CACNB2: variants seen among roughly 807,000 people sequenced by gnomAD.
The protein encoded by CACNB2 is calcium voltage-gated channel auxiliary subunit beta 2.
Under a neutral mutation model 73.3 loss-of-function variants are expected in CACNB2, and 42 were observed. The ratio of observed to expected loss-of-function variants is 0.57; its 90% CI spans 0.45 to 0.74. CACNB2 has a LOEUF of 0.74. Among genes scored for constraint, CACNB2 ranks in the 30% least tolerant of loss-of-function variants. The pLI is 0.00. For missense variants in CACNB2, 940 were observed against 853.0 expected, an observed-to-expected ratio of 1.10 and a Z score of -1.27; for synonymous variants, 348 against 310.3, an observed-to-expected ratio of 1.12 and a Z score of -1.28.
At chr10:18,260,025 T>C (rs2037466525) in intron 2 of CACNB2, among the ~76,000 whole-genome samples, 1 of 152,228 alleles carries the variant, frequency 6.6e-6, no homozygotes, top group Non-Finnish European at 1.5e-5. Flanking sequence ...TTAACATACC[T>C]TCTTAGGTCT....
chr10:18,189,294 T>C (rs980625923), intron 2 of CACNB2, among the ~76,000 whole-genome samples: 1 of 152,184 alleles, frequency 6.6e-6, no homozygotes, highest in African/African-American at 2.4e-5. Flanking sequence ...CTAATCTATT[T>C]AATGAGTAAT....
intron 2 of CACNB2, among the ~76,000 whole-genome samples, chr10:18,285,396 C>A (rs1472535946): frequency 6.6e-6 from 1 of 152,212 alleles, no homozygotes; most frequent in Non-Finnish European, 1.5e-5. Flanking sequence ...ACAGCGGTCA[C>A]ATGTTTTTCT....
At chr10:18,184,049 AG>A (rs2034026231) in intron 2 of CACNB2, among the ~76,000 whole-genome samples, 1 of 152,232 alleles carries the variant, frequency 6.6e-6, no homozygotes, top group Non-Finnish European at 1.5e-5. Flanking sequence ...TGCCCAGCCA[AG>A]GTTAGCTCTT....
At chr10:18,204,507 G>A (rs2035013469) in intron 2 of CACNB2, among the ~76,000 whole-genome samples, 1 of 152,170 alleles carries the variant, frequency 6.6e-6, no homozygotes, top group East Asian at 1.9e-4. Context: ...TTTCTTTCTT[G>A]AAAGTGATAG....
At chr10:18,244,644 T>A (rs567924868) in intron 2 of CACNB2, among the ~76,000 whole-genome samples, 2 of 152,282 alleles carry the variant, frequency 1.3e-5, no homozygotes, top group African/African-American at 4.8e-5. Flanking sequence ...TTGTTAGGGC[T>A]CCATAGGGGA....
chr10:18,519,906 G>A, intron 9 of CACNB2: 1 of 360,396 alleles, frequency 2.8e-6, no homozygotes, highest in Non-Finnish European at 5.4e-6. Flanking sequence ...AGTTGACATG[G>A]TGGATTATTC....
chr10:18,537,643 G>T (rs2053730945), intron 12 of CACNB2, among the ~76,000 whole-genome samples: 1 of 151,942 alleles, frequency 6.6e-6, no homozygotes, highest in African/African-American at 2.4e-5. Flanking sequence ...AGGGCTTGGT[G>T]GTAGGCACCT....
intron 5 of CACNB2, among the ~76,000 whole-genome samples, chr10:18,503,892 A>AT (rs2133058419): frequency 6.6e-6 from 1 of 152,220 alleles, no homozygotes; most frequent in South Asian, 2.1e-4. Flanking sequence ...TGGAATGGGA[A>AT]TTTTTTTAAG....
Position 18,448,479 on chromosome 10 carries a change from T to TTA in CACNB2, c.333+46436_333+46437insTA, listed in dbSNP as rs369315822. On this transcript the variant is annotated intron_variant, in intron 3 of 13. Coordinates refer to ENST00000324631, the MANE Select transcript of CACNB2 (RefSeq NM_201596.3). ...GACAAGAGCAAAACTCTCTCTCATTTAAAAAAAAAAAAAAAAAAAAAAGAA... is the reference window on the plus strand; with the variant it reads ...GACAAGAGCAAAACTCTCTCTCATTTTAAAAAAAAAAAAAAAAAAAAAAAGAA... 6.9e-3 allele frequency among the ~76,000 whole-genome samples: 739 copies of TTA among 107,086 alleles called. 14 individuals are homozygous for TTA. The South Asian group carries it at 0.073, about 11-fold the overall frequency. 70.3% of individuals were successfully genotyped at this position (107,086 alleles called of 152,430 possible).
intron 11 of CACNB2, among the ~76,000 whole-genome samples, 158 bp downstream of exon 11, chr10:18,534,385 T>C (rs117182357): frequency 0.011 from 1,625 of 152,372 alleles, 12 homozygotes; most frequent in Non-Finnish European, 0.019. Flanking sequence ...TATAGTTTCA[T>C]GGCTTAGAAC....
chr10:18,226,308 T>C (rs2035991440), intron 2 of CACNB2, among the ~76,000 whole-genome samples: 1 of 152,190 alleles, frequency 6.6e-6, no homozygotes, highest in African/African-American at 2.4e-5. Flanking sequence ...ATTACAGGTG[T>C]GAGCCACCGC....
chr10:18,468,236 G>T (rs773866231), intron 3 of CACNB2, among the ~76,000 whole-genome samples: 12 of 152,110 alleles, frequency 7.9e-5, no homozygotes, highest in Non-Finnish European at 1.5e-4. Flanking sequence ...AAGGCAGGCC[G>T]ATTTCTTGAG....
At chr10:18,531,104 C>G (rs2133255304) in intron 10 of CACNB2, among the ~76,000 whole-genome samples, 1 of 152,316 alleles carries the variant, frequency 6.6e-6, no homozygotes, top group Admixed American at 6.5e-5. Flanking sequence ...ATAACTCATA[C>G]TAGAGCTACC....
At position 18,403,103 on chromosome 10, in the gene CACNB2, A is replaced by G. The variant is rs114109597; in HGVS notation, c.333+1060A>G. 8.8e-3 allele frequency among the ~76,000 whole-genome samples: 1,333 copies of G among 152,316 alleles called. 19 individuals carry two copies. Among genetic ancestry groups the G allele is most frequent in the African/African-American group, 0.028 (1,154 of 41,572 alleles). ...GACTTCTAAAAAGCAGTACTTTTGT[A>G]TATCAGAATGATGTTCTTACCTCGC... On this transcript the variant is annotated intron_variant, in intron 3 of 13. Transcript: ENST00000324631.
chr10:18,355,214 TTTCAGGGTGCTTAACA>T (rs1322899171), intron 2 of CACNB2, among the ~76,000 whole-genome samples: 1 of 152,128 alleles, frequency 6.6e-6, no homozygotes, highest in African/African-American at 2.4e-5. Flanking sequence ...ACTCTAAGTG[TTTCAGGGTGCTTAACA>T]TAGTACTTCT....
chr10:18,220,224 T>TAGAGAGAGAGAGAGAGAGAGAGAG (rs1474379036), intron 2 of CACNB2, among the ~76,000 whole-genome samples: 1 of 48,040 alleles, frequency 2.1e-5, no homozygotes, highest in Non-Finnish European at 3.2e-5. Context: ...TATATATATA[T>TAGAGAGAGAGAGAGAGAGAGAGAG]ATATATATAG....
At chr10:18,538,588 A>G (rs540752612) in intron 13 of CACNB2, among the ~76,000 whole-genome samples, 2 of 152,164 alleles carry the variant, frequency 1.3e-5, no homozygotes, top group South Asian at 4.1e-4. Flanking sequence ...TCTAAACAGT[A>G]GCATAGACTG....
chr10:18,331,602 C>G (rs2040810678), intron 2 of CACNB2, among the ~76,000 whole-genome samples: 1 of 152,042 alleles, frequency 6.6e-6, no homozygotes, highest in African/African-American at 2.4e-5. Context: ...GTTCCTCCAA[C>G]ATGTTACTAG....
At chr10:18,392,261 C>T (rs1159850809) in intron 2 of CACNB2, among the ~76,000 whole-genome samples, 2 of 152,098 alleles carry the variant, frequency 1.3e-5, no homozygotes, top group Non-Finnish European at 2.9e-5. Flanking sequence ...TTAGAAGGAA[C>T]AGCCAATGGG....
Sources: allele counts gnomAD v4.1 joint callset (sites outside exome capture counted in the v4.1 genomes callset), GRCh38; gene constraint gnomAD v4.1.1; transcripts MANE v1.5; gene names NCBI Gene and HGNC (gene_info 2026-07-23, HGNC 2026-07-21).